Variants in TRIM24 observed in about 807,000 individuals in gnomAD.
TRIM24 encodes tripartite motif containing 24.
In TRIM24, 29 loss-of-function variants were observed where a neutral mutation model predicts 123.9. The observed-to-expected ratio is 0.23, with a 90% CI of 0.17 to 0.32. The LOEUF is 0.32. Ranked by LOEUF, TRIM24 falls within the 10% of genes least tolerant of loss-of-function variation. TRIM24 has a pLI of 1.00. For missense variants in TRIM24, 932 were observed against 1,295.3 expected, an observed-to-expected ratio of 0.72 and a Z score of 4.31; for synonymous variants, 456 against 461.1, an observed-to-expected ratio of 0.99 and a Z score of 0.14.
intron 2 of TRIM24, among the ~76,000 whole-genome samples, chr7:138,508,692 T>TGTGCGTGCGCGCGC (rs1422176564): frequency 7.3e-6 from 1 of 137,214 alleles, no homozygotes; most frequent in East Asian, 2.3e-4. Context: ...TGTGTGTGTG[T>TGTGCGTGCGCGCGC]GCGCGCGCGT....
At chr7:138,568,409 T>TTA (rs1491153957) in intron 10 of TRIM24, among the ~76,000 whole-genome samples, 126 of 117,314 alleles carry the variant, frequency 1.1e-3, no homozygotes, top group African/African-American at 4.4e-3. Context: ...TTTTTTTTTT[T>TTA]AAAGTCTCTC....
At chr7:138,559,629 C>T (rs922758252) in intron 9 of TRIM24, among the ~76,000 whole-genome samples, 1 of 152,106 alleles carries the variant, frequency 6.6e-6, no homozygotes, top group Admixed American at 6.5e-5. Context: ...TCCAGGGTGA[C>T]CAGAGCAAGG....
chr7:138,509,535 C>A (rs988874355), intron 2 of TRIM24, among the ~76,000 whole-genome samples: 1 of 149,606 alleles, frequency 6.7e-6, no homozygotes, highest in Non-Finnish European at 1.5e-5. Context: ...AAGCCCGTCT[C>A]TACTAAAAAT....
chr7:138,566,375 G>A (rs1240959100), intron 9 of TRIM24, among the ~76,000 whole-genome samples: 1 of 152,112 alleles, frequency 6.6e-6, no homozygotes, highest in Non-Finnish European at 1.5e-5. Flanking sequence ...AATTAGCCAG[G>A]TGTGGTGGGG....
At chr7:138,519,135 T>A (rs1796456314) in intron 3 of TRIM24, 54 bp from the exon 4 acceptor site, 1 of 1,600,886 alleles carries the variant, frequency 6.2e-7, no homozygotes, top group African/African-American at 1.3e-5. Flanking sequence ...CTAATAATTA[T>A]TTACTATTCA....
intron 4 of TRIM24, among the ~76,000 whole-genome samples, chr7:138,522,059 G>A (rs1796514408): frequency 6.6e-6 from 1 of 152,136 alleles, no homozygotes; most frequent in Non-Finnish European, 1.5e-5. Flanking sequence ...TGGGAGGATG[G>A]CTGAAGCCCA....
In TRIM24 at chr7:138,504,390, A is replaced by G. The variant is rs1796103145; in HGVS notation, c.465A>G (p.Thr155=). The change falls in exon 2 of 19, where the codon ACA becomes ACG. Residue 155 remains threonine, a synonymous_variant. Transcript: ENST00000343526. ...VKDTTEVPSS[T]VEKSNQVCTS... ...ACACTACTGAGGTTCCCAGCAGTAC[A>G]GTAGAAAAGTCAAATCAGGTAAGTG... 1.9e-6 allele frequency: 3 copies of G among 1,548,330 alleles called. No individual in the cohort carries two copies. The highest frequency in any genetic ancestry group is 2.5e-5 in the South Asian group (2 of 79,656).
At chr7:138,462,780 C>T (rs960677943) in intron 1 of TRIM24, among the ~76,000 whole-genome samples, 1 of 152,198 alleles carries the variant, frequency 6.6e-6, no homozygotes, top group Non-Finnish European at 1.5e-5. Context: ...TGGACACTCT[C>T]AGATCCTTCG....
chr7:138,513,297 A>T (rs1796327802), intron 2 of TRIM24, among the ~76,000 whole-genome samples: 1 of 152,024 alleles, frequency 6.6e-6, no homozygotes, highest in South Asian at 2.1e-4. Context: ...TCTGCCCATT[A>T]CCCAGTTGCA....
In TRIM24 at chr7:138,472,885, T is replaced by A. The variant is rs181804625; in HGVS notation, c.364+11973T>A. Among the ~76,000 whole-genome samples, 179 of 152,318 alleles carry A rather than the reference T, an allele frequency of 1.2e-3. 2 individuals are homozygous for A. The highest frequency in any genetic ancestry group is 4.8e-3 in the South Asian group (23 of 4,828). On this transcript the variant is annotated intron_variant, in intron 1 of 18. Coordinates refer to ENST00000343526, the MANE Select transcript of TRIM24 (RefSeq NM_015905.3). ...CAAGCTCTTAAAAAAATTTTTTTTT[T>A]AAATAGAAACAGGGTCTCACTTTGT...
intron 1 of TRIM24, among the ~76,000 whole-genome samples, chr7:138,485,905 G>A (rs1163841407): frequency 6.6e-6 from 1 of 152,126 alleles, no homozygotes; most frequent in African/African-American, 2.4e-5. Context: ...GATCCTTGAG[G>A]AATCGCCACA....
intron 2 of TRIM24, among the ~76,000 whole-genome samples, chr7:138,512,108 C>T (rs189609467): frequency 6.6e-6 from 1 of 152,346 alleles, no homozygotes; most frequent in East Asian, 1.9e-4. Flanking sequence ...TCCCCTTTGA[C>T]TTCACATCTG....
chr7:138,561,880 T>C (rs1797435366), intron 9 of TRIM24, among the ~76,000 whole-genome samples: 1 of 152,178 alleles, frequency 6.6e-6, no homozygotes, highest in African/African-American at 2.4e-5. Context: ...CTTCATATAA[T>C]GGCTTGGCCA....
chr7:138,465,116 A>G (rs1795107327), intron 1 of TRIM24, among the ~76,000 whole-genome samples: 2 of 152,256 alleles, frequency 1.3e-5, no homozygotes. Flanking sequence ...AGAAAAGTAT[A>G]ATTTATAAAT....
chr7:138,501,572 C>T lies in TRIM24; in HGVS notation c.365-2718C>T, dbSNP rs890838828. On this transcript the variant is annotated intron_variant, in intron 1 of 18. Coordinates refer to ENST00000343526, the MANE Select transcript of TRIM24 (RefSeq NM_015905.3). Reference sequence around the variant, plus strand: ...TTTTATGATACCACTGACATATATGCGATCCATTGTTGGCTAAAAAAATGT... The same window carrying T: ...TTTTATGATACCACTGACATATATGTGATCCATTGTTGGCTAAAAAAATGT... 3.3e-5 allele frequency among the ~76,000 whole-genome samples: 5 copies of T among 151,900 alleles called. No individual in the cohort carries two copies. In the South Asian group the frequency reaches 6.2e-4, roughly 19 times the overall value.
chr7:138,534,205 C>G (rs1208236086), intron 6 of TRIM24, among the ~76,000 whole-genome samples: 4 of 152,084 alleles, frequency 2.6e-5, no homozygotes, highest in Non-Finnish European at 4.4e-5. Flanking sequence ...TTTTGTGTCT[C>G]TATCTCCTTC....
Position 138,460,685 on chromosome 7 carries a change from A to G in TRIM24, c.137A>G (p.Glu46Gly). 6.5e-7 allele frequency: 1 copy of G among 1,533,544 alleles called. No individual in the cohort carries two copies. The highest frequency in any genetic ancestry group is 2.7e-5 in the East Asian group (1 of 36,430). 95.0% of individuals were successfully genotyped at this position (1,533,544 alleles called of 1,614,324 possible). ...GGCCCGGACTCGGAGCGCGGCGGCGAGGCGGCCCGGCTCAACCTGTTGGAC... is the reference window on the plus strand; with the variant it reads ...GGCCCGGACTCGGAGCGCGGCGGCGGGGCGGCCCGGCTCAACCTGTTGGAC... ...RQGPDSERGGEAARLNLLDTC... is the reference protein window; with the variant it reads ...RQGPDSERGGGAARLNLLDTC... The change falls in exon 1 of 19, where the codon GAG becomes GGG. Residue 46 changes from glutamate to glycine, a missense_variant. By Grantham distance (98) the Glu-to-Gly change is moderately conservative. Coordinates refer to ENST00000343526, the MANE Select transcript of TRIM24 (RefSeq NM_015905.3).
intron 2 of TRIM24, among the ~76,000 whole-genome samples, chr7:138,506,277 A>AAC (rs1373775144): frequency 1.3e-5 from 2 of 152,212 alleles, no homozygotes; most frequent in African/African-American, 4.8e-5. Context: ...TTAATTGTGA[A>AAC]ACCACCCTTA....
chr7:138,575,041 A>C (rs1330127970), intron 12 of TRIM24, among the ~76,000 whole-genome samples: 1 of 152,184 alleles, frequency 6.6e-6, no homozygotes, highest in African/African-American at 2.4e-5. Context: ...TAAACAGATT[A>C]TTTACCTATT....
Sources: gnomAD v4.1 joint callset for allele counts (sites outside exome capture counted in the v4.1 genomes callset) on GRCh38, gnomAD v4.1.1 for gene constraint, MANE v1.5 for transcripts, NCBI Gene and HGNC (gene_info 2026-07-23, HGNC 2026-07-21) for gene names.